PDE4D: variants seen among roughly 807,000 people sequenced by gnomAD.
PDE4D encodes 3',5'-cyclic-AMP phosphodiesterase 4D.
Under a neutral mutation model 87.4 loss-of-function variants are expected in PDE4D, and 24 were observed. That is an observed-to-expected ratio of 0.27 (90% CI 0.20 to 0.39). The LOEUF is 0.39. Ranked by LOEUF, PDE4D falls within the 10% of genes least tolerant of loss-of-function variation. The pLI is 1.00. For synonymous variants in PDE4D, 384 were observed against 383.2 expected, an observed-to-expected ratio of 1.00 and a Z score of -0.02; for missense variants, 714 against 1,041.0, an observed-to-expected ratio of 0.69 and a Z score of 4.32.
At chr5:59,663,535 T>C (rs933859847) in intron 1 of PDE4D, among the ~76,000 whole-genome samples, 4 of 152,208 alleles carry the variant, frequency 2.6e-5, no homozygotes, top group African/African-American at 4.8e-5. Context: ...AAGCAAATAT[T>C]AAATAATCAT....
chr5:60,313,022 G>GA (rs1755187203), intron 1 of PDE4D, among the ~76,000 whole-genome samples: 1 of 151,702 alleles, frequency 6.6e-6, no homozygotes, highest in Non-Finnish European at 1.5e-5. Flanking sequence ...AGAGGAAACA[G>GA]AAAAAGAGCA....
chr5:59,928,868 A>T (rs909515945), intron 3 of PDE4D, among the ~76,000 whole-genome samples: 12 of 149,958 alleles, frequency 8.0e-5, no homozygotes, highest in Non-Finnish European at 1.6e-4. Context: ...TATATATTCT[A>T]TATACATATA....
At chr5:60,512,111 C>A (rs1476957118) in intron 1 of PDE4D, among the ~76,000 whole-genome samples, 4 of 152,096 alleles carry the variant, frequency 2.6e-5, no homozygotes, top group Admixed American at 2.6e-4. Flanking sequence ...ACATACAAGG[C>A]AGGATCTCTT....
At chr5:59,721,118 G>A (rs1012586060) in intron 1 of PDE4D, among the ~76,000 whole-genome samples, 3 of 152,140 alleles carry the variant, frequency 2.0e-5, no homozygotes, top group African/African-American at 4.8e-5. Context: ...ATATTTATAA[G>A]TCTTGTCTAT....
chr5:59,762,349 CATATATGT>C (rs375258325), intron 1 of PDE4D, among the ~76,000 whole-genome samples: 1,258 of 100,022 alleles, frequency 0.013, 246 homozygotes, highest in Non-Finnish European at 0.016. Flanking sequence ...TACACATATG[CATATATGT>C]GTATATGGGT....
intron 5 of PDE4D, among the ~76,000 whole-genome samples, chr5:59,089,871 T>C (rs1375533585): frequency 5.3e-5 from 8 of 152,114 alleles, no homozygotes; most frequent in Non-Finnish European, 1.2e-4. Context: ...ATGTTAAAAT[T>C]ACTTTTAAGA....
At chr5:59,834,908 TACC>T (rs1741777116) in intron 1 of PDE4D, among the ~76,000 whole-genome samples, 2 of 152,070 alleles carry the variant, frequency 1.3e-5, no homozygotes, top group African/African-American at 4.8e-5. Flanking sequence ...TTGCACATTT[TACC>T]ATCTACCATC....
At chr5:60,299,786 TTATCCAGTCTA>T (rs1157623127) in intron 1 of PDE4D, among the ~76,000 whole-genome samples, 1 of 152,254 alleles carries the variant, frequency 6.6e-6, no homozygotes, top group Non-Finnish European at 1.5e-5. Flanking sequence ...CATATTTTCT[TTATCCAGTCTA>T]TCATTGGTGG....
chr5:59,016,264 C>A (rs973818560), intron 6 of PDE4D, among the ~76,000 whole-genome samples: 1 of 149,954 alleles, frequency 6.7e-6, no homozygotes, highest in Non-Finnish European at 1.5e-5. Context: ...TACCCTAGAA[C>A]TTAAAGTGTA....
intron 1 of PDE4D, among the ~76,000 whole-genome samples, chr5:59,709,075 C>G (rs1390972799): frequency 6.6e-6 from 1 of 152,012 alleles, no homozygotes; most frequent in East Asian, 1.9e-4. Context: ...TCTACCCACT[C>G]AACTAATAGT....
At chr5:59,291,199 A>G (rs27178) in intron 1 of PDE4D, among the ~76,000 whole-genome samples, 85,375 of 151,918 alleles carry the variant, frequency 0.56, 25,168 homozygotes, top group East Asian at 0.74. Flanking sequence ...ATCAACAGGC[A>G]AATAGATAAA....
At chr5:59,298,349 C>G (rs1175097413) in intron 1 of PDE4D, among the ~76,000 whole-genome samples, 1 of 152,046 alleles carries the variant, frequency 6.6e-6, no homozygotes, top group Non-Finnish European at 1.5e-5. Context: ...CTCCTGGCCT[C>G]AAGTGATCCA....
chr5:59,971,297 T>C (rs1171697053), intron 3 of PDE4D, among the ~76,000 whole-genome samples: 2 of 151,390 alleles, frequency 1.3e-5, no homozygotes, highest in Non-Finnish European at 2.9e-5. Flanking sequence ...GCATGGCACA[T>C]GTATACATAC....
intron 2 of PDE4D, among the ~76,000 whole-genome samples, chr5:60,105,248 A>G (rs2149341777): frequency 6.6e-6 from 1 of 152,338 alleles, no homozygotes; most frequent in Admixed American, 6.5e-5. Flanking sequence ...GATCAACTGG[A>G]AGAAAGGGTA....
At chr5:59,923,145 C>T (rs573985550) in intron 3 of PDE4D, among the ~76,000 whole-genome samples, 41 of 152,164 alleles carry the variant, frequency 2.7e-4, no homozygotes, top group Non-Finnish European at 2.9e-4. Context: ...GAGGGAAGAA[C>T]GGGGAGGTCT....
chr5:59,363,914 T>C (rs1277981145), intron 1 of PDE4D, among the ~76,000 whole-genome samples: 1 of 152,154 alleles, frequency 6.6e-6, no homozygotes, highest in Non-Finnish European at 1.5e-5. Flanking sequence ...TGAGGAAAAG[T>C]GATCCTGTCA....
rs575634208 is a variant in PDE4D, at chr5:59,215,914, G to A, written c.510C>T (p.Thr170=). The A allele has an allele frequency of 6.2e-7, 1 of 1,612,936 alleles. No individual in the cohort carries two copies. Among genetic ancestry groups the A allele is most frequent in the African/African-American group, 1.3e-5 (1 of 74,988 alleles). ...GGAGAATTAGCCCGGATCCTGGGCT[G>A]GTCATGGGATCCAAGGGACTCCGTC... ...SAGRSPLDPM[T]SPGSGLILQA... is the part of the protein sequence containing the mutation. The change falls in exon 2 of 15, where the codon ACC becomes ACT. Residue 170 remains threonine, a synonymous_variant. Transcript: ENST00000340635.
At chr5:60,374,322 TAGAA>T (rs1455626938) in intron 1 of PDE4D, among the ~76,000 whole-genome samples, 2 of 152,092 alleles carry the variant, frequency 1.3e-5, no homozygotes, top group African/African-American at 4.8e-5. Flanking sequence ...TTTGAATTGT[TAGAA>T]AGAAGGGAGG....
At chr5:60,005,237 T>A in intron 2 of PDE4D, among the ~76,000 whole-genome samples, 1 of 152,114 alleles carries the variant, frequency 6.6e-6, no homozygotes, top group Non-Finnish European at 1.5e-5. Context: ...TGCTTATATG[T>A]GTAATCTAAC....
Sources: allele counts gnomAD v4.1 joint callset (sites outside exome capture counted in the v4.1 genomes callset), GRCh38; gene constraint gnomAD v4.1.1; transcripts MANE v1.5; gene names NCBI Gene and HGNC (gene_info 2026-07-23, HGNC 2026-07-21).